The following PTPRG variants were observed in gnomAD, a reference collection of about 807,000 sequenced individuals.
PTPRG encodes the protein protein tyrosine phosphatase receptor type G, also known as receptor-type tyrosine-protein phosphatase gamma.
A neutral mutation model predicts 165.3 loss-of-function variants in PTPRG; 102 were observed. The observed-to-expected ratio is 0.62, with a 90% CI of 0.53 to 0.73. The LOEUF is 0.73. Ranked by LOEUF, PTPRG falls within the 30% of genes least tolerant of loss-of-function variation. The pLI, the probability that PTPRG is intolerant of heterozygous loss-of-function variation, is 0.00. For missense variants in PTPRG, 1,866 were observed against 1,861.4 expected, an observed-to-expected ratio of 1.00 and a Z score of -0.05; for synonymous variants, 675 against 669.5, an observed-to-expected ratio of 1.01 and a Z score of -0.13.
At chr3:61,722,385 C>T (rs2032089618) in intron 1 of PTPRG, among the ~76,000 whole-genome samples, 3 of 152,146 alleles carry the variant, frequency 2.0e-5, no homozygotes, top group Non-Finnish European at 4.4e-5. Context: ...GATCAAGTTT[C>T]TAAAAGCTGA....
At chr3:61,988,288 C>T (rs938084017) in intron 2 of PTPRG, among the ~76,000 whole-genome samples, 5 of 152,106 alleles carry the variant, frequency 3.3e-5, no homozygotes, top group African/African-American at 1.2e-4. Context: ...GCCATGAAAC[C>T]TCCCTTACCA....
intron 2 of PTPRG, among the ~76,000 whole-genome samples, chr3:61,777,787 C>G (rs953320772): frequency 2.0e-5 from 3 of 152,254 alleles, no homozygotes; most frequent in African/African-American, 7.2e-5. Flanking sequence ...TTCTAGATAA[C>G]GTGAAACATG....
chr3:61,655,211 A>G (rs1434632570), intron 1 of PTPRG, among the ~76,000 whole-genome samples: 2 of 152,184 alleles, frequency 1.3e-5, no homozygotes, highest in Non-Finnish European at 2.9e-5. Flanking sequence ...GTACAAGGGC[A>G]CAGTGCTGCC....
intron 5 of PTPRG, among the ~76,000 whole-genome samples, chr3:62,078,695 A>C (rs1398598323): frequency 6.6e-6 from 1 of 152,142 alleles, no homozygotes; most frequent in African/African-American, 2.4e-5. Flanking sequence ...AGAAATCCCC[A>C]TAGTAACTAA....
chr3:62,286,141 CAA>C (rs1315961293), intron 28 of PTPRG, among the ~76,000 whole-genome samples: 3 of 152,190 alleles, frequency 2.0e-5, no homozygotes, highest in Admixed American at 2.0e-4. Context: ...GCCCTGAGAT[CAA>C]AGAGTCTAAA....
At chr3:61,708,699 C>T (rs866221584) in intron 1 of PTPRG, among the ~76,000 whole-genome samples, 12 of 152,074 alleles carry the variant, frequency 7.9e-5, no homozygotes, top group Admixed American at 2.0e-4. Context: ...CCTCATGATC[C>T]GCCCGCCTCG....
chr3:61,666,064 G>A (rs1702805300), intron 1 of PTPRG, among the ~76,000 whole-genome samples: 1 of 150,518 alleles, frequency 6.6e-6, no homozygotes, highest in South Asian at 2.1e-4. Context: ...AGTAAATAAA[G>A]AACGATGTTA....
At chr3:61,988,441 T>A (rs970615218) in intron 2 of PTPRG, among the ~76,000 whole-genome samples, 4 of 152,184 alleles carry the variant, frequency 2.6e-5, no homozygotes, top group African/African-American at 9.7e-5. Flanking sequence ...TCTTATTTAG[T>A]GGTAGGCAGG....
At chr3:62,004,898 G>C (rs1396220948) in intron 4 of PTPRG, among the ~76,000 whole-genome samples, 1 of 151,972 alleles carries the variant, frequency 6.6e-6, no homozygotes, top group African/African-American at 2.4e-5. Flanking sequence ...GAAGACACAT[G>C]CATCTATCTA....
intron 1 of PTPRG, among the ~76,000 whole-genome samples, chr3:61,593,535 C>T (rs1045045125): frequency 5.3e-5 from 8 of 151,980 alleles, no homozygotes; most frequent in Non-Finnish European, 8.8e-5. Flanking sequence ...ATACAGTTCT[C>T]CTTTTCTTAG....
chr3:61,817,291 A>G (rs1294328232), intron 2 of PTPRG, among the ~76,000 whole-genome samples: 1 of 142,194 alleles, frequency 7.0e-6, no homozygotes, highest in Non-Finnish European at 1.5e-5. Context: ...AATCACTGAA[A>G]TTTTTTTTTA....
intron 2 of PTPRG, among the ~76,000 whole-genome samples, chr3:61,756,852 G>C (rs556865859): frequency 5.9e-5 from 9 of 152,298 alleles, no homozygotes; most frequent in Non-Finnish European, 1.0e-4. Context: ...ATGGAATACT[G>C]AGAGTTTGGG....
At chr3:61,603,311 TTG>T (rs1158861276) in intron 1 of PTPRG, among the ~76,000 whole-genome samples, 1 of 152,126 alleles carries the variant, frequency 6.6e-6, no homozygotes, top group Non-Finnish European at 1.5e-5. Context: ...GGCGGAGCCT[TTG>T]TGGTTTGGTG....
intron 2 of PTPRG, among the ~76,000 whole-genome samples, chr3:61,957,806 A>C (rs1338372414): frequency 6.6e-6 from 1 of 152,174 alleles, no homozygotes; most frequent in Non-Finnish European, 1.5e-5. Context: ...CCAGTTTTGC[A>C]CTATTGAATC....
intron 1 of PTPRG, among the ~76,000 whole-genome samples, chr3:61,702,590 A>T (rs961183447): frequency 6.6e-6 from 1 of 152,220 alleles, no homozygotes; most frequent in Non-Finnish European, 1.5e-5. Context: ...GTGTGTTTCT[A>T]TAGGTGTGTT....
At chr3:62,081,857 T>G (rs916754967) in intron 5 of PTPRG, among the ~76,000 whole-genome samples, 5 of 152,236 alleles carry the variant, frequency 3.3e-5, no homozygotes, top group African/African-American at 1.2e-4. Context: ...AATTCAAACC[T>G]GGCATCTTAC....
chr3:61,563,050 T>C (rs920437219), intron 1 of PTPRG, among the ~76,000 whole-genome samples: 5 of 151,806 alleles, frequency 3.3e-5, no homozygotes, highest in African/African-American at 1.2e-4. Flanking sequence ...TTCGGAGAGA[T>C]CCGTGTCTCC....
chr3:62,032,293 A>G (rs1699794712), intron 4 of PTPRG, among the ~76,000 whole-genome samples: 1 of 152,242 alleles, frequency 6.6e-6, no homozygotes, highest in South Asian at 2.1e-4. Context: ...ATGTGGGGAC[A>G]GGGACTGAAA....
chr3:61,848,120 A>C (rs1199359347), intron 2 of PTPRG, among the ~76,000 whole-genome samples: 1 of 152,216 alleles, frequency 6.6e-6, no homozygotes, highest in African/African-American at 2.4e-5. Context: ...GACGTAGGCA[A>C]TTCTCATGCA....
Sources: allele counts gnomAD v4.1 joint callset (sites outside exome capture counted in the v4.1 genomes callset), GRCh38; gene constraint gnomAD v4.1.1; transcripts MANE v1.5; gene names NCBI Gene and HGNC (gene_info 2026-07-23, HGNC 2026-07-21).